Variants in MCTP1 observed in about 807,000 individuals in gnomAD.
MCTP1 encodes the protein multiple C2 and transmembrane domain-containing protein 1.
Under a neutral mutation model 120.6 loss-of-function variants are expected in MCTP1, and 69 were observed. The ratio of observed to expected loss-of-function variants is 0.57; its 90% CI spans 0.47 to 0.70. The LOEUF (loss-of-function observed/expected upper bound fraction) is 0.70. Ranked by LOEUF, MCTP1 falls within the 30% of genes least tolerant of loss-of-function variation. The probability of loss-of-function intolerance (pLI) is 0.00; values close to 1 mark genes in which losing one functional copy is unlikely to be tolerated. For synonymous variants in MCTP1, 529 were observed against 493.1 expected, an observed-to-expected ratio of 1.07 and a Z score of -0.96; for missense variants, 1,203 against 1,248.8, an observed-to-expected ratio of 0.96 and a Z score of 0.55.
chr5:94,874,014 T>A (rs1313302768), intron 12 of MCTP1, among the ~76,000 whole-genome samples: 1 of 152,162 alleles, frequency 6.6e-6, no homozygotes, highest in East Asian at 1.9e-4. Flanking sequence ...TGTAATGTTA[T>A]GCCCTGTATT....
At chr5:95,203,569 A>T (rs1751301759) in intron 1 of MCTP1, among the ~76,000 whole-genome samples, 1 of 152,198 alleles carries the variant, frequency 6.6e-6, no homozygotes, top group African/African-American at 2.4e-5. Flanking sequence ...AAGAATAGGG[A>T]TTTCTTTCTT....
At position 94,707,525 on chromosome 5, in the gene MCTP1, A is replaced by G. The variant is rs186381951; in HGVS notation, c.2971T>C (p.Tyr991His). Residue 991 changes from tyrosine (Y) to histidine (H), a missense_variant, in exon 23 of 23, where the codon TAT (tyrosine) becomes CAT (histidine). Coordinates refer to ENST00000515393, the MANE Select transcript of MCTP1 (RefSeq NM_024717.7). ...CCAAGATTGTTTTTCTTTCTTTTAT[A>G]TGGGCTATGAGAAGGATCTGGTTTC... ...ELKPDPSHSP[Y>H]KRKKNNLG The G allele has an allele frequency of 6.2e-7, 1 of 1,611,866 alleles. No individual in the cohort carries two copies. The highest frequency in any genetic ancestry group is 1.7e-5 in the Admixed American group (1 of 59,872).
At chr5:94,965,799 G>A (rs1377270777) in intron 2 of MCTP1, among the ~76,000 whole-genome samples, 2 of 152,114 alleles carry the variant, frequency 1.3e-5, no homozygotes, top group Non-Finnish European at 2.9e-5. Flanking sequence ...ACTCTATCAC[G>A]AATAGAATAA....
intron 1 of MCTP1, 92 bp downstream of exon 1, chr5:95,283,764 G>T: frequency 1.9e-6 from 2 of 1,032,996 alleles, no homozygotes; most frequent in Non-Finnish European, 1.3e-6. Flanking sequence ...CCCGCCTCCC[G>T]GCCCCCGCCC....
At chr5:95,009,037 T>C (rs1581814275) in intron 2 of MCTP1, among the ~76,000 whole-genome samples, 1 of 123,386 alleles carries the variant, frequency 8.1e-6, no homozygotes, top group Non-Finnish European at 1.6e-5. Context: ...AGGGTAAGAG[T>C]GAGAGTGAGA....
intron 18 of MCTP1, among the ~76,000 whole-genome samples, chr5:94,791,112 C>CAAAAAAAAAAAAAAAA (rs60394333): frequency 4.0e-5 from 4 of 99,664 alleles, no homozygotes; most frequent in Non-Finnish European, 5.7e-5. Flanking sequence ...GTCTCTACTA[C>CAAAAAAAAAAAAAAAA]AAAAAAAAAA....
At chr5:95,232,517 G>A (rs1024006053) in intron 1 of MCTP1, among the ~76,000 whole-genome samples, 1 of 147,958 alleles carries the variant, frequency 6.8e-6, no homozygotes, top group African/African-American at 2.5e-5. Flanking sequence ...GGAATGCAGT[G>A]GCCCCATCTT....
At chr5:94,711,014 A>G in intron 20 of MCTP1, 87 bp from the exon 21 acceptor site, 1 of 891,412 alleles carries the variant, frequency 1.1e-6, no homozygotes, top group South Asian at 1.4e-5. Flanking sequence ...CTTGGGACCT[A>G]GTTAGTCTGC....
chr5:95,118,519 G>C (rs1757984959), intron 1 of MCTP1, among the ~76,000 whole-genome samples: 1 of 152,086 alleles, frequency 6.6e-6, no homozygotes, highest in Non-Finnish European at 1.5e-5. Flanking sequence ...AAAATGACGG[G>C]AGTAAGTCCT....
intron 21 of MCTP1, 116 bp downstream of exon 21, chr5:94,710,702 G>T: frequency 1.6e-6 from 1 of 630,782 alleles, no homozygotes. Context: ...TTTTCATCAT[G>T]GAGTAGCTTC....
chr5:94,811,680 G>A (rs1476608214), intron 17 of MCTP1, among the ~76,000 whole-genome samples: 5 of 152,172 alleles, frequency 3.3e-5, no homozygotes, highest in Admixed American at 6.5e-5. Context: ...GTTGATGCCC[G>A]ATGGCTCAAA....
intron 1 of MCTP1, among the ~76,000 whole-genome samples, chr5:95,250,338 G>A (rs375412713): frequency 4.6e-5 from 7 of 152,234 alleles, no homozygotes; most frequent in African/African-American, 1.7e-4. Context: ...ACATGAATGT[G>A]AAGCTCATAT....
chr5:94,857,785 T>G (rs991772425), intron 17 of MCTP1, among the ~76,000 whole-genome samples: 1 of 151,726 alleles, frequency 6.6e-6, no homozygotes, highest in Non-Finnish European at 1.5e-5. Flanking sequence ...TATAGCAAAC[T>G]ATACCTCACA....
chr5:95,235,244 G>C (rs191681171), intron 1 of MCTP1, among the ~76,000 whole-genome samples: 4 of 151,506 alleles, frequency 2.6e-5, no homozygotes, highest in African/African-American at 9.7e-5. Flanking sequence ...TGCAGAAAAA[G>C]CACTTGACAA....
At chr5:95,123,969 A>T (rs1316092858) in intron 1 of MCTP1, among the ~76,000 whole-genome samples, 1 of 152,152 alleles carries the variant, frequency 6.6e-6, no homozygotes, top group Non-Finnish European at 1.5e-5. Context: ...GATTTTTTAA[A>T]ATAAGCCCAT....
intron 17 of MCTP1, 191 bp downstream of exon 17, chr5:94,868,142 A>G (rs374856364): frequency 5.3e-5 from 22 of 413,218 alleles, no homozygotes; most frequent in East Asian, 4.6e-4. Context: ...GAGGGGGGAA[A>G]ATGTATTCTT....
At chr5:95,025,665 C>A (rs1044622510) in intron 1 of MCTP1, among the ~76,000 whole-genome samples, 7 of 152,194 alleles carry the variant, frequency 4.6e-5, no homozygotes, top group Non-Finnish European at 1.0e-4. Flanking sequence ...GAACTGGAGT[C>A]ATTACCATAC....
intron 2 of MCTP1, among the ~76,000 whole-genome samples, chr5:94,986,063 C>T (rs1320223373): frequency 6.6e-6 from 1 of 152,060 alleles, no homozygotes; most frequent in Non-Finnish European, 1.5e-5. Context: ...AATACTAAAG[C>T]TCTAAGGGAG....
In MCTP1 at chr5:94,880,204, A is replaced by G. The variant is rs144199378; in HGVS notation, c.1934-6963T>C. On this transcript the variant is annotated intron_variant, in intron 12 of 22. Transcript: ENST00000515393. ...AGAAACTATATGCAAGTGATTCGTT[A>G]CAAGCTTAGAAACACAAAAGTTGTT... is the stretch of plus-strand genomic sequence containing the variant. 2.3e-3 allele frequency among the ~76,000 whole-genome samples: 347 copies of G among 152,250 alleles called. 2 individuals carry two copies. Among genetic ancestry groups the G allele is most frequent in the African/African-American group, 7.7e-3 (322 of 41,572 alleles).
Sources: allele counts gnomAD v4.1 joint callset (sites outside exome capture counted in the v4.1 genomes callset), GRCh38; gene constraint gnomAD v4.1.1; transcripts MANE v1.5; gene names NCBI Gene and HGNC (gene_info 2026-07-23, HGNC 2026-07-21).